AGO2: variants seen among roughly 807,000 people sequenced by gnomAD.
AGO2 encodes protein argonaute-2.
Under a neutral mutation model 102.3 loss-of-function variants are expected in AGO2, and 5 were observed. The observed-to-expected ratio is 0.05, with a 90% CI of 0.03 to 0.10. The LOEUF (loss-of-function observed/expected upper bound fraction) is 0.10. AGO2 is among the 10% of genes least tolerant of loss of function. AGO2 has a pLI of 1.00. For missense variants in AGO2, 541 were observed against 1,183.7 expected, an observed-to-expected ratio of 0.46 and a Z score of 7.97; for synonymous variants, 449 against 473.1, an observed-to-expected ratio of 0.95 and a Z score of 0.66.
In AGO2 at chr8:140,593,751, A is replaced by G. The variant is rs973956077; in HGVS notation, c.23-8440T>C. 2.0e-5 allele frequency among the ~76,000 whole-genome samples: 3 copies of G among 152,014 alleles called. No individual in the cohort carries two copies. In the East Asian group the frequency reaches 5.8e-4, roughly 29 times the overall value. On this transcript the variant is annotated intron_variant, in intron 1 of 18. Transcript: ENST00000220592. ...AGGCAAATCAGCTCCTTTAATCCTT[A>G]CCACGGGCAAGGCAGGCAGGATCCC...
upstream of AGO2, among the ~76,000 whole-genome samples, chr8:140,638,964 G>A (rs1278823601): frequency 2.6e-5 from 4 of 152,160 alleles, no homozygotes; most frequent in East Asian, 7.7e-4. Context: ...GCTCACTGCA[G>A]CCTCCTGGAC....
At chr8:140,624,935 C>T (rs541846856) in intron 1 of AGO2, among the ~76,000 whole-genome samples, 107 of 152,322 alleles carry the variant, frequency 7.0e-4, no homozygotes, top group African/African-American at 2.4e-3. Flanking sequence ...ACCCCCATCC[C>T]GCTCCTTCCA....
intron 2 of AGO2, among the ~76,000 whole-genome samples, chr8:140,581,541 A>G (rs1253532045): frequency 6.6e-6 from 1 of 152,114 alleles, no homozygotes; most frequent in Admixed American, 6.5e-5. Context: ...GGAAATGTGT[A>G]TACTGCTTTA....
chr8:140,620,102 C>G (rs996635709), intron 1 of AGO2, among the ~76,000 whole-genome samples: 1 of 152,112 alleles, frequency 6.6e-6, no homozygotes, highest in Admixed American at 6.6e-5. Context: ...TGAAGGGGCA[C>G]GCTGAAAAGA....
chr8:140,547,927 T>C (rs1468651517), intron 12 of AGO2, among the ~76,000 whole-genome samples: 1 of 152,164 alleles, frequency 6.6e-6, no homozygotes, highest in South Asian at 2.1e-4. Flanking sequence ...CCCTCCAATT[T>C]ATCAACAAAA....
intron 17 of AGO2, among the ~76,000 whole-genome samples, chr8:140,533,241 T>G (rs1193038830): frequency 6.7e-6 from 1 of 149,880 alleles, no homozygotes; most frequent in Non-Finnish European, 1.5e-5. Flanking sequence ...TACAAAAAAT[T>G]AGCCAGGCGT....
chr8:140,567,831 A>G lies in AGO2; in HGVS notation c.336+4981T>C, dbSNP rs529830997. On this transcript the variant is annotated intron_variant, in intron 3 of 18. Coordinates refer to ENST00000220592, the MANE Select transcript of AGO2 (RefSeq NM_012154.5). The surrounding 1 kb of genome is among the most constrained non-coding windows in gnomAD (Gnocchi z 5.0). ...AGCAACAAAGGGAAAACAGCACTCT[A>G]AAGAATGCAAAGAGGCCAGCCTGGG... 2.0e-5 allele frequency among the ~76,000 whole-genome samples: 3 copies of G among 152,320 alleles called. No individual in the cohort carries two copies. The highest frequency in any genetic ancestry group is 2.9e-5 in the Non-Finnish European group (2 of 68,020).
rs899943484 is a variant in AGO2, at chr8:140,525,257, C to G, written c.*6787G>C. 2.0e-5 allele frequency: 3 copies of G among 152,270 alleles called. No individual in the cohort carries two copies. The highest frequency in any genetic ancestry group is 7.2e-5 in the African/African-American group (3 of 41,472). The allele number at this position is 152,270 out of a possible 1,614,324, so 9.4% of individuals were successfully genotyped here. On this transcript the variant is annotated 3_prime_UTR_variant, in exon 19 of 19. Coordinates refer to ENST00000220592, the MANE Select transcript of AGO2 (RefSeq NM_012154.5). ...GGCCCAGCGCAGCATTCCGGAGATG[C>G]GCGTGCAGGAAGCTTGCGGTGGATC...
At chr8:140,585,440 T>C in intron 1 of AGO2, 129 bp from the exon 2 acceptor site, 1 of 1,002,674 alleles carries the variant, frequency 1.0e-6, no homozygotes, top group Admixed American at 2.8e-5. Flanking sequence ...CAATATTGCA[T>C]TCCACAGAGG....
At chr8:140,548,420 C>T (rs552637943) in intron 12 of AGO2, among the ~76,000 whole-genome samples, 1 of 152,142 alleles carries the variant, frequency 6.6e-6, no homozygotes, top group South Asian at 2.1e-4. Context: ...AACACTGGCA[C>T]CCTCCAAATC....
rs777955168 is a variant in AGO2 at position 140,539,815 on chromosome 8, G to A, written c.2035-361C>T. ...GCTCAGGGCAGGCTTTGGGCTGGGC[G>A]CAGTGGCTCATGCCTGTAATCCCAG... On this transcript the variant is annotated intron_variant, in intron 15 of 18. Transcript: ENST00000220592. The surrounding 1 kb of genome is among the most constrained non-coding windows in gnomAD (Gnocchi z 4.7). Among the ~76,000 whole-genome samples the A allele has an allele frequency of 1.3e-5, 2 of 152,226 alleles. No homozygotes were observed. Among genetic ancestry groups the A allele is most frequent in the East Asian group, 1.9e-4 (1 of 5,190 alleles).
chr8:140,532,822 C>T, intron 17 of AGO2: 1 of 519,920 alleles, frequency 1.9e-6, no homozygotes, highest in Admixed American at 3.2e-5. Flanking sequence ...TAGTGAAACC[C>T]CATCTCTACT....
Position 140,526,073 on chromosome 8 carries a change from C to T in AGO2, c.*5971G>A, listed in dbSNP as rs921547631. The T allele has an allele frequency of 1.3e-5, 2 of 152,154 alleles. No homozygotes were observed. The highest frequency in any genetic ancestry group is 1.9e-4 in the East Asian group (1 of 5,198). 9.4% of individuals were successfully genotyped at this position (152,154 alleles called of 1,614,324 possible). A position where few individuals can be genotyped will look rare whatever the true frequency, so the allele number is the denominator to read the frequency against. On this transcript the variant is annotated 3_prime_UTR_variant, in exon 19 of 19. Transcript: ENST00000220592. The surrounding 1 kb of genome is among the most constrained non-coding windows in gnomAD (Gnocchi z 5.2). ...TTTGCAGTAGGGAGTGAGAGTAACCCGAGGTCCCAAAGTCAAAGGCCAATT... is the reference window on the plus strand; with the variant it reads ...TTTGCAGTAGGGAGTGAGAGTAACCTGAGGTCCCAAAGTCAAAGGCCAATT...
chr8:140,607,508 A>G, intron 1 of AGO2, among the ~76,000 whole-genome samples: 1 of 18,914 alleles, frequency 5.3e-5, no homozygotes, highest in African/African-American at 1.4e-4. Flanking sequence ...ATATATATAT[A>G]TATATATACA....
intron 2 of AGO2, among the ~76,000 whole-genome samples, chr8:140,581,081 C>T (rs1044225303): frequency 6.6e-6 from 1 of 152,234 alleles, no homozygotes; most frequent in African/African-American, 2.4e-5. Context: ...GGCCTAAGGG[C>T]CCCCCTGCTA....
intron 2 of AGO2, among the ~76,000 whole-genome samples, chr8:140,578,011 T>C (rs1320753150): frequency 6.6e-6 from 1 of 152,136 alleles, no homozygotes; most frequent in Non-Finnish European, 1.5e-5. Flanking sequence ...GGGGCTACAA[T>C]GCACACCCGT....
At chr8:140,546,294 A>T (rs1377260778) in intron 13 of AGO2, among the ~76,000 whole-genome samples, 1 of 152,310 alleles carries the variant, frequency 6.6e-6, no homozygotes, top group Non-Finnish European at 1.5e-5. Context: ...GGGTGCGTGT[A>T]ACTCGGTAGC....
intron 1 of AGO2, among the ~76,000 whole-genome samples, chr8:140,587,347 T>C (rs1429491447): frequency 6.6e-6 from 1 of 152,232 alleles, no homozygotes; most frequent in Admixed American, 6.5e-5. Flanking sequence ...TGAAGGCACG[T>C]GGAATATAAA....
chr8:140,536,758 G>A (rs896647701), intron 16 of AGO2, among the ~76,000 whole-genome samples: 3 of 152,002 alleles, frequency 2.0e-5, no homozygotes, highest in South Asian at 2.1e-4. Flanking sequence ...GCTGACTTCC[G>A]AGCCCTCCTG....
Sources: allele counts gnomAD v4.1 joint callset (sites outside exome capture counted in the v4.1 genomes callset), GRCh38; gene constraint gnomAD v4.1.1; non-coding constraint Gnocchi (gnomAD v3.1); transcripts MANE v1.5; gene names NCBI Gene and HGNC (gene_info 2026-07-23, HGNC 2026-07-21).